PGM1: variants seen among roughly 807,000 people sequenced by gnomAD.
PGM1 encodes phosphoglucomutase-1.
PGM1 carries 52 observed loss-of-function variants against 55.6 expected under a neutral mutation model. That is an observed-to-expected ratio of 0.94 (90% CI 0.75 to 1.18). The LOEUF is 1.18. Among genes scored for constraint, PGM1 ranks in the 50% most tolerant of loss-of-function variants. The probability of loss-of-function intolerance (pLI) is 0.00; values close to 1 mark genes in which losing one functional copy is unlikely to be tolerated. For synonymous variants in PGM1, 287 were observed against 271.7 expected (o/e 1.06, Z -0.55); for missense variants, 724 against 729.3 (o/e 0.99, Z 0.08).
At position 63,629,981 on chromosome 1, in the gene PGM1, T is replaced by C; in HGVS notation, c.449T>C (p.Ile150Thr). 6.2e-7 allele frequency: 1 copy of C among 1,614,030 alleles called. No individual in the cohort carries two copies. Reference protein sequence around the residue: ...PEAITDKIFQISKTIEEYAVC... With the variant: ...PEAITDKIFQTSKTIEEYAVC... ...GCAATAACTGATAAAATTTTCCAAATCAGCAAGACAATTGAAGAATATGCA... is the reference window on the plus strand; with the variant it reads ...GCAATAACTGATAAAATTTTCCAAACCAGCAAGACAATTGAAGAATATGCA... Residue 150 changes from isoleucine (I) to threonine (T), a missense_variant, in exon 3 of 11, where the codon ATC (isoleucine) becomes ACC (threonine). Coordinates refer to ENST00000371084, the MANE Select transcript of PGM1 (RefSeq NM_002633.3).
chr1:63,601,583 G>T (rs1342477981), intron 1 of PGM1, among the ~76,000 whole-genome samples: 2 of 152,170 alleles, frequency 1.3e-5, no homozygotes, highest in Admixed American at 6.5e-5. Flanking sequence ...TTGAAAAATG[G>T]CTCCTGAGTG....
chr1:63,655,578 G>A (rs964613341), intron 10 of PGM1, among the ~76,000 whole-genome samples: 1 of 152,192 alleles, frequency 6.6e-6, no homozygotes, highest in African/African-American at 2.4e-5. Context: ...CCCAAAAATG[G>A]AGGAGCCAAG....
chr1:63,658,481 G>A (rs887358219), intron 10 of PGM1, among the ~76,000 whole-genome samples: 3 of 151,432 alleles, frequency 2.0e-5, no homozygotes, highest in African/African-American at 4.9e-5. Flanking sequence ...GGCCGGGTGC[G>A]GTGGCTCACG....
At chr1:63,622,916 G>A (rs947310455) in intron 1 of PGM1, among the ~76,000 whole-genome samples, 3 of 152,178 alleles carry the variant, frequency 2.0e-5, no homozygotes, top group African/African-American at 7.2e-5. Context: ...AGGTGGCATG[G>A]GGCAACTTTA....
chr1:63,598,238 C>T (rs1648139257), intron 1 of PGM1, among the ~76,000 whole-genome samples: 1 of 152,174 alleles, frequency 6.6e-6, no homozygotes, highest in African/African-American at 2.4e-5. Flanking sequence ...CCTTGCCTCC[C>T]AAAGTGCTGG....
intron 9 of PGM1, among the ~76,000 whole-genome samples, chr1:63,652,256 A>G (rs1649829636): frequency 6.6e-6 from 1 of 152,232 alleles, no homozygotes; most frequent in African/African-American, 2.4e-5. Context: ...GAGTGACAGC[A>G]TGTAAGTGGC....
intron 1 of PGM1, among the ~76,000 whole-genome samples, chr1:63,619,371 A>G (rs1648825963): frequency 6.6e-6 from 1 of 152,184 alleles, no homozygotes; most frequent in African/African-American, 2.4e-5. Flanking sequence ...AGGAGAGGAA[A>G]AAAACAAAAG....
In PGM1 at chr1:63,649,561, A is replaced by G. The variant is rs1447842198; in HGVS notation, c.1280+909A>G. ...TCTGGACCTCAGTTGCCTGTTCTAT[A>G]AAATGGGTGAGTTAGACTAGAGAAT... On this transcript the variant is annotated intron_variant, in intron 8 of 10. Coordinates refer to ENST00000371084, the MANE Select transcript of PGM1 (RefSeq NM_002633.3). Among the ~76,000 whole-genome samples, 3 of 152,248 alleles carry G rather than the reference A, an allele frequency of 2.0e-5. No individual in the cohort carries two copies. The East Asian group carries it at 5.8e-4, about 29-fold the overall frequency.
At chr1:63,641,522 A>G (rs1000735332) in intron 7 of PGM1, among the ~76,000 whole-genome samples, 3 of 152,200 alleles carry the variant, frequency 2.0e-5, no homozygotes, top group African/African-American at 7.2e-5. Context: ...TAGTGACTCT[A>G]TGAACTTTGA....
chr1:63,630,631 A>G (rs1432566660), intron 3 of PGM1, among the ~76,000 whole-genome samples: 1 of 152,206 alleles, frequency 6.6e-6, no homozygotes, highest in African/African-American at 2.4e-5. Context: ...AGTAAAATCA[A>G]TCAGACTATT....
chr1:63,629,917 C>A, intron 2 of PGM1, 25 bp from the exon 3 acceptor site: 10 of 1,613,592 alleles, frequency 6.2e-6, no homozygotes, highest in Non-Finnish European at 8.5e-6. Flanking sequence ...ACGAAGTAAC[C>A]CACTGTTTGC....
intron 1 of PGM1, chr1:63,623,865 TCTA>T: frequency 1.4e-6 from 1 of 703,572 alleles, no homozygotes; most frequent in Non-Finnish European, 2.3e-6. Context: ...ACACTTCAAT[TCTA>T]CTAACATCCA....
Position 63,623,265 on chromosome 1 carries a change from G to A in PGM1, c.247-6160G>A, listed in dbSNP as rs187047684. ...GTGTGTGGGTGCGAGTGGGTGTGTGGCCCTTAACTTGTTCACAAGGGACAA... is the reference window on the plus strand; with the variant it reads ...GTGTGTGGGTGCGAGTGGGTGTGTGACCCTTAACTTGTTCACAAGGGACAA... On this transcript the variant is annotated intron_variant, in intron 1 of 10. Coordinates refer to ENST00000371084, the MANE Select transcript of PGM1 (RefSeq NM_002633.3). 53 of 1,422,116 alleles carry A rather than the reference G, an allele frequency of 3.7e-5. No homozygotes were observed. In the East Asian group the frequency reaches 9.6e-4, roughly 26 times the overall value. The allele number at this position is 1,422,116 out of a possible 1,614,324, so 88.1% of individuals were successfully genotyped here.
rs74375309 is a variant in PGM1, at chr1:63,633,132, A to G, written c.682+1350A>G. ...GGAAGAAGGCATAATTTGACTAGGT[A>G]TAAAGAAAGGTTTCCTGGAAGAAGT... On this transcript the variant is annotated intron_variant, in intron 4 of 10. Transcript: ENST00000371084. 5.9e-3 allele frequency among the ~76,000 whole-genome samples: 892 copies of G among 152,344 alleles called. 7 individuals are homozygous for G. The highest frequency in any genetic ancestry group is 0.02 in the African/African-American group (833 of 41,576).
intron 2 of PGM1, 51 bp downstream of exon 2, chr1:63,629,638 A>C (rs774486666): frequency 6.4e-7 from 1 of 1,551,096 alleles, no homozygotes. Flanking sequence ...CAGTAGGACA[A>C]ATCAATACCT....
chr1:63,637,755 C>G (rs1649400367), intron 6 of PGM1, among the ~76,000 whole-genome samples: 1 of 152,180 alleles, frequency 6.6e-6, no homozygotes, highest in Non-Finnish European at 1.5e-5. Context: ...CATCCAAGAA[C>G]AGTGTAATTC....
At chr1:63,651,933 C>T in intron 9 of PGM1, 81 bp downstream of exon 9, 2 of 1,326,412 alleles carry the variant, frequency 1.5e-6, no homozygotes, top group Non-Finnish European at 2.2e-6. Context: ...TTAAAAAGTT[C>T]CTGTTGGCTA....
At chr1:63,653,168 C>A (rs1265052977) in intron 9 of PGM1, among the ~76,000 whole-genome samples, 1 of 152,086 alleles carries the variant, frequency 6.6e-6, no homozygotes, top group East Asian at 1.9e-4. Context: ...AAGCAGCTGC[C>A]CCACTTTCTG....
chr1:63,650,662 T>C (rs1321156896), intron 8 of PGM1, among the ~76,000 whole-genome samples: 2 of 152,084 alleles, frequency 1.3e-5, no homozygotes, highest in Non-Finnish European at 1.5e-5. Context: ...AAAAAATAAC[T>C]CTCTCAAGAG....
Sources: gnomAD v4.1 joint callset for allele counts (sites outside exome capture counted in the v4.1 genomes callset) on GRCh38, gnomAD v4.1.1 for gene constraint, MANE v1.5 for transcripts, NCBI Gene and HGNC (gene_info 2026-07-23, HGNC 2026-07-21) for gene names.